CATSPER1: variants seen among roughly 807,000 people sequenced by gnomAD.
CATSPER1 encodes the protein cation channel sperm associated 1.
Under a neutral mutation model 72.7 loss-of-function variants are expected in CATSPER1, and 57 were observed. The ratio of observed to expected loss-of-function variants is 0.78; its 90% CI spans 0.63 to 0.98. CATSPER1 has a LOEUF of 0.98. Among genes scored for constraint, CATSPER1 ranks in the 50% least tolerant of loss-of-function variants. CATSPER1 has a pLI of 0.00. For missense variants in CATSPER1, 910 were observed against 1,033.9 expected (o/e 0.88, Z 1.64); for synonymous variants, 363 against 403.0 (o/e 0.90, Z 1.19).
chr11:66,021,455 C>T (rs1349920758), intron 4 of CATSPER1, 41 bp downstream of exon 4: 2 of 1,607,934 alleles, frequency 1.2e-6, no homozygotes, highest in East Asian at 2.2e-5. Context: ...TCCCCTCTTC[C>T]TTTGGAGTCC....
At chr11:66,017,713 GA>G (rs1403030337) in intron 10 of CATSPER1, among the ~76,000 whole-genome samples, 1 of 152,158 alleles carries the variant, frequency 6.6e-6, no homozygotes, top group Non-Finnish European at 1.5e-5. Flanking sequence ...AAGAACACTG[GA>G]AACAATGAAC....
Position 66,020,079 on chromosome 11 carries a change from A to G in CATSPER1, c.2125+61T>C. 1.3e-6 allele frequency: 2 copies of G among 1,537,356 alleles called. No individual in the cohort carries two copies. Among genetic ancestry groups the G allele is most frequent in the Non-Finnish European group, 1.8e-6 (2 of 1,112,136 alleles). On this transcript the variant is annotated intron_variant, in intron 9 of 11. Transcript: ENST00000312106. The surrounding 1 kb of genome is among the most constrained non-coding windows in gnomAD (Gnocchi z 4.5). ...GTGACTGTGGAAGGAGGTTAGGGGG[A>G]TGGAGAGACTGGCCCCCACTGCGGA... is the stretch of plus-strand genomic sequence containing the variant.
intron 10 of CATSPER1, among the ~76,000 whole-genome samples, chr11:66,017,573 C>T (rs1387766589): frequency 6.6e-6 from 1 of 151,272 alleles, no homozygotes; most frequent in African/African-American, 2.4e-5. Flanking sequence ...CCACCCCCCA[C>T]CCACCCATTG....
intron 4 of CATSPER1, 54 bp downstream of exon 4, chr11:66,021,442 G>C: frequency 6.3e-7 from 1 of 1,598,850 alleles, no homozygotes. Context: ...GCCCTGGTCT[G>C]TGTCCCCTCT....
At chr11:66,022,667 G>A (rs1466096218) in intron 2 of CATSPER1, among the ~76,000 whole-genome samples, 182 bp downstream of exon 2, 1 of 152,238 alleles carries the variant, frequency 6.6e-6, no homozygotes, top group African/African-American at 2.4e-5. Flanking sequence ...CTTCTGTCTC[G>A]GGCCGGCCTC....
rs1008820887 is a variant in CATSPER1, at chr11:66,022,978, G to A, written c.1300C>T (p.Gln434Ter). The change falls in exon 2 of 12, where the codon CAG becomes TAG. Residue 434 changes from glutamine (Q) to a stop codon, truncating the protein, a stop_gained. Coordinates refer to ENST00000312106, the MANE Select transcript of CATSPER1 (RefSeq NM_053054.4). LOFTEE classifies it high-confidence loss of function. ...TTCCGGATCATTTCCCGGAAGCCCTGAATGAGGAAGGTTAGCTTTTCCCAC... is the reference window on the plus strand; with the variant it reads ...TTCCGGATCATTTCCCGGAAGCCCTAAATGAGGAAGGTTAGCTTTTCCCAC... The part of the protein sequence containing the change: ...WLWEKLTFLI[Q>*]GFREMIRNLT... The A allele has an allele frequency of 3.7e-6, 6 of 1,614,222 alleles. No individual in the cohort carries two copies. Among genetic ancestry groups the A allele is most frequent in the Non-Finnish European group, 5.1e-6 (6 of 1,180,042 alleles).
Position 66,020,743 on chromosome 11 carries a change from G to C in CATSPER1, c.1927+68C>G, listed in dbSNP as rs908000352. 6.2e-7 allele frequency: 1 copy of C among 1,609,182 alleles called. No individual in the cohort carries two copies. The highest frequency in any genetic ancestry group is 1.3e-5 in the African/African-American group (1 of 74,932). ...TCAGAAGCCCCACTTTGCCGATGGG[G>C]TCACTGAGCCCTGGCCGGTCCACCC... On this transcript the variant is annotated intron_variant, in intron 6 of 11. Coordinates refer to ENST00000312106, the MANE Select transcript of CATSPER1 (RefSeq NM_053054.4). This position sits in a 1 kb window ranked among gnomAD's most constrained non-coding sequence, Gnocchi z 4.5.
chr11:66,021,573 G>A lies in CATSPER1; in HGVS notation c.1614C>T (p.His538=). ...LMQTHSFAIY[H]QSLFRILKVF... is the part of the protein sequence containing the mutation. ...CCTTGAGGATCCGGAAGAGGCTTTG[G>A]TGGTAGATGGCGAAGGAGTGGGTCT... Residue 538 remains histidine (H), a synonymous_variant, in exon 4 of 12, where the codon CAC becomes CAT. Coordinates refer to ENST00000312106, the MANE Select transcript of CATSPER1 (RefSeq NM_053054.4). The A allele has an allele frequency of 6.2e-7, 1 of 1,613,456 alleles. No homozygotes were observed. Among genetic ancestry groups the A allele is most frequent in the African/African-American group, 1.3e-5 (1 of 75,034 alleles).
chr11:66,025,063 C>T lies in CATSPER1; in HGVS notation c.1216+101G>A, dbSNP rs1311027624. 5.2e-5 allele frequency: 75 copies of T among 1,441,822 alleles called. 1 individual carries two copies. The highest frequency in any genetic ancestry group is 7.0e-5 in the African/African-American group (5 of 71,522). 89.3% of individuals were successfully genotyped at this position (1,441,822 alleles called of 1,614,324 possible). On this transcript the variant is annotated intron_variant, in intron 1 of 11. Transcript: ENST00000312106. ...CAGTGGGGGACCTGTGCAGGAGGGT[C>T]GGGCCTTACGATCTGCGGAAGGACA...
intron 10 of CATSPER1, 62 bp from the exon 11 acceptor site, chr11:66,017,236 T>C: frequency 1.5e-6 from 2 of 1,301,314 alleles, no homozygotes; most frequent in Non-Finnish European, 2.2e-6. Flanking sequence ...CTGGGCCTAC[T>C]GCACCCCAGA....
chr11:66,017,193 G>GGGGGGGGGGGGGGGGGCC lies in CATSPER1; in HGVS notation c.2202-20_2202-19insGGCCCCCCCCCCCCCCCC. On this transcript the variant is annotated intron_variant, in intron 10 of 11. Coordinates refer to ENST00000312106, the MANE Select transcript of CATSPER1 (RefSeq NM_053054.4). ...CTGCTGCCTGCGGGTGGGCGGGGGGGTCGCAGAGACAGGGGCTGGGCTGAC... is the reference window on the plus strand; with the variant it reads ...CTGCTGCCTGCGGGTGGGCGGGGGGGGGGGGGGGGGGGGGGGCCTCGCAGAGACAGGGGCTGGGCTGAC... 98 of 493,502 alleles carry GGGGGGGGGGGGGGGGGCC rather than the reference G, an allele frequency of 2.0e-4. No individual in the cohort carries two copies. Among genetic ancestry groups the GGGGGGGGGGGGGGGGGCC allele is most frequent in the Non-Finnish European group, 3.4e-4 (86 of 252,404 alleles). The allele number at this position is 493,502 out of a possible 1,614,324, so 30.6% of individuals were successfully genotyped here. A position where few individuals can be genotyped will look rare whatever the true frequency, so the allele number is the denominator to read the frequency against.
At chr11:66,017,899 T>A (rs1856272212) in intron 10 of CATSPER1, among the ~76,000 whole-genome samples, 1 of 151,710 alleles carries the variant, frequency 6.6e-6, no homozygotes, top group Non-Finnish European at 1.5e-5. Flanking sequence ...ATGAGCTGAG[T>A]TTGAAAGATA....
intron 11 of CATSPER1, 28 bp downstream of exon 11, chr11:66,017,032 G>C: frequency 1.2e-6 from 2 of 1,612,192 alleles, no homozygotes; most frequent in South Asian, 1.1e-5. Context: ...TCCCCTCGCC[G>C]GCCCCTTCCC....
chr11:66,017,193 G>GGGGGGGGGGCC lies in CATSPER1; in HGVS notation c.2202-20_2202-19insGGCCCCCCCCC. Reference sequence around the variant, plus strand: ...CTGCTGCCTGCGGGTGGGCGGGGGGGTCGCAGAGACAGGGGCTGGGCTGAC... The same window carrying GGGGGGGGGGCC: ...CTGCTGCCTGCGGGTGGGCGGGGGGGGGGGGGGGGCCTCGCAGAGACAGGGGCTGGGCTGAC... On this transcript the variant is annotated intron_variant, in intron 10 of 11. Coordinates refer to ENST00000312106, the MANE Select transcript of CATSPER1 (RefSeq NM_053054.4). The GGGGGGGGGGCC allele has an allele frequency of 9.3e-5, 46 of 493,610 alleles. No individual in the cohort carries two copies. Among genetic ancestry groups the GGGGGGGGGGCC allele is most frequent in the Non-Finnish European group, 1.7e-4 (42 of 252,476 alleles). The allele number at this position is 493,610 out of a possible 1,614,324, so 30.6% of individuals were successfully genotyped here.
At chr11:66,017,352 G>T (rs1039812641) in intron 10 of CATSPER1, among the ~76,000 whole-genome samples, 178 bp from the exon 11 acceptor site, 1 of 152,150 alleles carries the variant, frequency 6.6e-6, no homozygotes, top group African/African-American at 2.4e-5. Context: ...AAGAGCCCAA[G>T]TCTGCCTGTA....
intron 11 of CATSPER1, 51 bp downstream of exon 11, chr11:66,017,009 A>G: frequency 6.2e-7 from 1 of 1,612,734 alleles, no homozygotes. Flanking sequence ...TTCTGGCTAC[A>G]AGCCCCTGGG....
chr11:66,020,235 C>G lies in CATSPER1; in HGVS notation c.2065-35G>C, dbSNP rs1356084138. Reference sequence around the variant, plus strand: ...AGAGGCCTCAGATCTGCCAGAGTCCCAGGCCTGCTCAACCCTGGAGGCCCC... The same window carrying G: ...AGAGGCCTCAGATCTGCCAGAGTCCGAGGCCTGCTCAACCCTGGAGGCCCC... On this transcript the variant is annotated intron_variant, in intron 8 of 11. Transcript: ENST00000312106. The surrounding 1 kb of genome is among the most constrained non-coding windows in gnomAD (Gnocchi z 4.5). 1.2e-6 allele frequency: 2 copies of G among 1,614,082 alleles called. No individual in the cohort carries two copies. Among genetic ancestry groups the G allele is most frequent in the Non-Finnish European group, 1.7e-6 (2 of 1,179,962 alleles).
chr11:66,024,888 A>C (rs1856462614), intron 1 of CATSPER1, among the ~76,000 whole-genome samples: 1 of 152,206 alleles, frequency 6.6e-6, no homozygotes, highest in East Asian at 1.9e-4. Context: ...GGCAGGCCAC[A>C]CACCCACATT....
rs1335329633 is a variant in CATSPER1, at chr11:66,020,182, C to G, written c.2083G>C (p.Glu695Gln). The G allele has an allele frequency of 1.2e-6, 2 of 1,613,722 alleles. No homozygotes were observed. Residue 695 changes from glutamate to glutamine, a missense_variant, in exon 9 of 12, where the codon GAG (glutamate) becomes CAG (glutamine). Coordinates refer to ENST00000312106, the MANE Select transcript of CATSPER1 (RefSeq NM_053054.4). The surrounding 1 kb of genome is among the most constrained non-coding windows in gnomAD (Gnocchi z 4.5). ...GTCAGTGAGTCTTCCAGCAGCTTCT[C>G]TTGGATCCGGGCGGCCCTCTGGGAA... ...AKQERAARIQEKLLEDSLTEL... is the reference protein window; with the variant it reads ...AKQERAARIQQKLLEDSLTEL...
Sources: gnomAD v4.1 joint callset for allele counts (sites outside exome capture counted in the v4.1 genomes callset) on GRCh38, gnomAD v4.1.1 for gene constraint, Gnocchi (gnomAD v3.1) non-coding constraint, MANE v1.5 for transcripts, NCBI Gene and HGNC (gene_info 2026-07-23, HGNC 2026-07-21) for gene names.